WDR41: variants seen among roughly 807,000 people sequenced by gnomAD.
WDR41 encodes the protein WD repeat domain 41, also known as WD repeat-containing protein 41.
In WDR41, 63 loss-of-function variants were observed where a neutral mutation model predicts 69.3. The observed-to-expected ratio is 0.91, with a 90% CI of 0.74 to 1.12. WDR41 has a LOEUF of 1.12. Ranked by LOEUF, WDR41 falls within the 50% of genes most tolerant of loss-of-function variation. The pLI is 0.00. For synonymous variants in WDR41, 185 were observed against 192.1 expected, an observed-to-expected ratio of 0.96 and a Z score of 0.31; for missense variants, 543 against 534.5, an observed-to-expected ratio of 1.02 and a Z score of -0.16.
intron 6 of WDR41, chr5:77,451,812 A>C (rs1799638275): frequency 6.5e-6 from 1 of 155,024 alleles, no homozygotes; most frequent in South Asian, 2.0e-4. Flanking sequence ...GCAGCCTTCA[A>C]ATAGCATGTT....
At chr5:77,613,327 G>T (rs553200752) in intron 1 of WDR41, among the ~76,000 whole-genome samples, 40 of 151,806 alleles carry the variant, frequency 2.6e-4, no homozygotes, top group African/African-American at 9.4e-4. Flanking sequence ...AAAAGAGCCC[G>T]CATCGCCAAG....
At chr5:77,466,921 A>G (rs1800333546) in intron 2 of WDR41, among the ~76,000 whole-genome samples, 1 of 151,808 alleles carries the variant, frequency 6.6e-6, no homozygotes, top group Non-Finnish European at 1.5e-5. Flanking sequence ...CCTGTCATAA[A>G]AAAACTAATA....
intron 2 of WDR41, among the ~76,000 whole-genome samples, chr5:77,476,500 G>T (rs1800939477): frequency 6.6e-6 from 1 of 152,160 alleles, no homozygotes; most frequent in Non-Finnish European, 1.5e-5. Flanking sequence ...CAAGCCAGAA[G>T]ACAGTGGGGG....
intron 1 of WDR41, among the ~76,000 whole-genome samples, chr5:77,554,539 C>T (rs1321208756): frequency 1.3e-5 from 2 of 151,914 alleles, no homozygotes; most frequent in Admixed American, 1.3e-4. Context: ...GAAACTGAAT[C>T]TGCTGATGTA....
intron 1 of WDR41, among the ~76,000 whole-genome samples, chr5:77,554,756 C>G (rs923405988): frequency 2.6e-4 from 38 of 147,986 alleles, no homozygotes; most frequent in Non-Finnish European, 4.1e-4. Flanking sequence ...CAGGAAGGAT[C>G]CTTGTTGTGC....
chr5:77,515,531 A>T (rs565896095), intron 1 of WDR41, among the ~76,000 whole-genome samples: 28 of 152,356 alleles, frequency 1.8e-4, no homozygotes, highest in African/African-American at 6.0e-4. Context: ...AATAACAATA[A>T]AAAGAGTATA....
At chr5:77,483,687 A>G (rs889426031) in intron 2 of WDR41, among the ~76,000 whole-genome samples, 1 of 152,156 alleles carries the variant, frequency 6.6e-6, no homozygotes, top group African/African-American at 2.4e-5. Context: ...TAATTCTATC[A>G]TTCTTCCTAG....
At chr5:77,536,498 G>A (rs1742983105) in intron 1 of WDR41, among the ~76,000 whole-genome samples, 1 of 152,008 alleles carries the variant, frequency 6.6e-6, no homozygotes, top group Admixed American at 6.6e-5. Context: ...TGAAGTCAAA[G>A]ACGAGGAAAA....
chr5:77,505,231 TAAC>T (rs1802087199), intron 1 of WDR41, among the ~76,000 whole-genome samples: 1 of 151,660 alleles, frequency 6.6e-6, no homozygotes, highest in South Asian at 2.1e-4. Flanking sequence ...TATACACCAA[TAAC>T]AGACAAACAG....
At chr5:77,607,130 A>ATAAG (rs1387314907) in intron 1 of WDR41, among the ~76,000 whole-genome samples, 2 of 152,154 alleles carry the variant, frequency 1.3e-5, no homozygotes, top group African/African-American at 2.4e-5. Context: ...CTGAATTAGG[A>ATAAG]TAAGAGTAAT....
chr5:77,559,189 G>C (rs1293315626), intron 1 of WDR41, among the ~76,000 whole-genome samples: 1 of 152,164 alleles, frequency 6.6e-6, no homozygotes, highest in Non-Finnish European at 1.5e-5. Context: ...GCCAATTTCT[G>C]TCATGTAAAC....
At chr5:77,479,054 A>C (rs1801100937) in intron 2 of WDR41, among the ~76,000 whole-genome samples, 3 of 152,208 alleles carry the variant, frequency 2.0e-5, no homozygotes, top group South Asian at 2.1e-4. Context: ...CCAAATCATG[A>C]GTGAACTCCC....
chr5:77,530,021 A>T (rs1802504673), intron 1 of WDR41, among the ~76,000 whole-genome samples: 1 of 151,608 alleles, frequency 6.6e-6, no homozygotes, highest in Admixed American at 6.6e-5. Flanking sequence ...AGATACAGAA[A>T]GGAATAAAGC....
chr5:77,529,559 C>G (rs1481131233), intron 1 of WDR41, among the ~76,000 whole-genome samples: 2 of 151,328 alleles, frequency 1.3e-5, no homozygotes, highest in Admixed American at 1.3e-4. Flanking sequence ...CAAGATTAGC[C>G]AAGACAATCT....
At chr5:77,602,757 G>T (rs1744347920) in intron 1 of WDR41, among the ~76,000 whole-genome samples, 1 of 151,952 alleles carries the variant, frequency 6.6e-6, no homozygotes. Flanking sequence ...CATTTCCTTT[G>T]GATAAATGCC....
chr5:77,573,814 G>A (rs1391488500), intron 1 of WDR41, among the ~76,000 whole-genome samples: 1 of 152,156 alleles, frequency 6.6e-6, no homozygotes, highest in Non-Finnish European at 1.5e-5. Context: ...TGCCTCAACA[G>A]CTCTGTAAGC....
chr5:77,506,658 C>G (rs184183934), intron 1 of WDR41, among the ~76,000 whole-genome samples: 1 of 152,136 alleles, frequency 6.6e-6, no homozygotes, highest in Non-Finnish European at 1.5e-5. Flanking sequence ...CAATGATAGA[C>G]AGGATTAAGC....
At chr5:77,552,109 A>G (rs1743311943) in intron 1 of WDR41, among the ~76,000 whole-genome samples, 1 of 150,954 alleles carries the variant, frequency 6.6e-6, no homozygotes, top group Non-Finnish European at 1.5e-5. Flanking sequence ...AAAAAATGCA[A>G]TTGATGCAGG....
rs181206425 is a variant in WDR41 at position 77,557,604 on chromosome 5, G to A, written c.42+62875C>T. Among the ~76,000 whole-genome samples the A allele has an allele frequency of 1.7e-4, 26 of 151,666 alleles. No individual in the cohort carries two copies. In the East Asian group the frequency reaches 4.6e-3, roughly 27 times the overall value. On this transcript the variant is annotated intron_variant, in intron 1 of 5. Transcript: ENST00000509971. Reference sequence around the variant, plus strand: ...CTAGAACACTTGTACACTTCTCATGGCAGTAGGAATCAGTATAGTCGCTTT... The same window carrying A: ...CTAGAACACTTGTACACTTCTCATGACAGTAGGAATCAGTATAGTCGCTTT...
Sources: gnomAD v4.1 joint callset for allele counts (sites outside exome capture counted in the v4.1 genomes callset) on GRCh38, gnomAD v4.1.1 for gene constraint, MANE v1.5 for transcripts, NCBI Gene and HGNC (gene_info 2026-07-23, HGNC 2026-07-21) for gene names.